Variants in RBFOX1 observed in about 807,000 individuals in gnomAD.
RBFOX1 encodes RNA binding protein fox-1 homolog 1.
A neutral mutation model predicts 57.7 loss-of-function variants in RBFOX1; 8 were observed. The ratio of observed to expected loss-of-function variants is 0.14; its 90% CI spans 0.08 to 0.25. RBFOX1 has a LOEUF of 0.25. Among genes scored for constraint, RBFOX1 ranks in the 10% least tolerant of loss-of-function variants. The pLI is 1.00. For synonymous variants in RBFOX1, 326 were observed against 222.4 expected, an observed-to-expected ratio of 1.47 and a Z score of -4.15; for missense variants, 611 against 548.5, an observed-to-expected ratio of 1.11 and a Z score of -1.14.
chr16:6,940,647 G>T (rs933342388), intron 3 of RBFOX1, among the ~76,000 whole-genome samples: 17 of 152,060 alleles, frequency 1.1e-4, no homozygotes, highest in African/African-American at 3.9e-4. Flanking sequence ...ACCCAGGCTG[G>T]AGTGGAGCGA....
At chr16:7,537,475 C>G (rs1234896115) in intron 5 of RBFOX1, among the ~76,000 whole-genome samples, 1 of 151,964 alleles carries the variant, frequency 6.6e-6, no homozygotes, top group South Asian at 2.1e-4. Context: ...CTGAACAAGT[C>G]TGACTTAGTA....
chr16:7,211,511 C>T (rs973226281), intron 4 of RBFOX1, among the ~76,000 whole-genome samples: 1 of 150,774 alleles, frequency 6.6e-6, no homozygotes, highest in Non-Finnish European at 1.5e-5. Context: ...CTAGTAAATA[C>T]AGGGAATTAA....
chr16:6,223,553 T>G (rs996325435), intron 1 of RBFOX1, among the ~76,000 whole-genome samples: 2 of 151,914 alleles, frequency 1.3e-5, no homozygotes, highest in African/African-American at 4.8e-5. Context: ...GGGTTGTTTG[T>G]TTTTTTCTTG....
intron 1 of RBFOX1, among the ~76,000 whole-genome samples, chr16:6,271,299 G>A (rs1232428008): frequency 2.0e-5 from 3 of 152,012 alleles, no homozygotes; most frequent in Admixed American, 6.6e-5. Context: ...TGGCACATGT[G>A]TGTAGTCCCA....
intron 4 of RBFOX1, among the ~76,000 whole-genome samples, chr16:7,180,015 A>C (rs1337839630): frequency 6.6e-6 from 1 of 152,020 alleles, no homozygotes; most frequent in Non-Finnish European, 1.5e-5. Context: ...AGTGCTGGAA[A>C]TATAGGCTTG....
At chr16:6,179,469 C>T (rs2097044934) in intron 1 of RBFOX1, among the ~76,000 whole-genome samples, 1 of 152,112 alleles carries the variant, frequency 6.6e-6, no homozygotes, top group South Asian at 2.1e-4. Flanking sequence ...CTCTCTGATG[C>T]CTTGAACATA....
intron 3 of RBFOX1, among the ~76,000 whole-genome samples, chr16:6,787,967 A>T (rs776097619): frequency 2.0e-5 from 3 of 150,648 alleles, no homozygotes; most frequent in Non-Finnish European, 4.5e-5. Flanking sequence ...TCATGTCTGT[A>T]ATCCCAGCAC....
intron 4 of RBFOX1, among the ~76,000 whole-genome samples, chr16:5,878,618 A>G (rs2057680547): frequency 6.6e-6 from 1 of 152,184 alleles, no homozygotes; most frequent in African/African-American, 2.4e-5. Flanking sequence ...CTTCGTGACT[A>G]TGCCTGATTC....
chr16:6,230,401 C>A (rs1284018069), intron 1 of RBFOX1, among the ~76,000 whole-genome samples: 1 of 152,086 alleles, frequency 6.6e-6, no homozygotes, highest in Non-Finnish European at 1.5e-5. Flanking sequence ...ACTAATATGC[C>A]TCTGATCACG....
chr16:7,189,746 G>C (rs1567634759), intron 4 of RBFOX1, among the ~76,000 whole-genome samples: 1 of 152,244 alleles, frequency 6.6e-6, no homozygotes, highest in Non-Finnish European at 1.5e-5. Flanking sequence ...GGTTCCCACA[G>C]ACACCTGCAG....
intron 4 of RBFOX1, among the ~76,000 whole-genome samples, chr16:5,876,682 C>T (rs541617975): frequency 2.6e-5 from 4 of 152,276 alleles, no homozygotes; most frequent in South Asian, 2.1e-4. Context: ...ACAGTTTTGA[C>T]ACCATTTATT....
intron 14 of RBFOX1, among the ~76,000 whole-genome samples, chr16:7,707,871 C>A (rs557060810): frequency 6.6e-6 from 1 of 152,172 alleles, no homozygotes; most frequent in African/African-American, 2.4e-5. Context: ...GAGGACACCC[C>A]ATTCGGTAAG....
At chr16:6,804,406 A>G (rs573258200) in intron 3 of RBFOX1, among the ~76,000 whole-genome samples, 1 of 152,170 alleles carries the variant, frequency 6.6e-6, no homozygotes, top group South Asian at 2.1e-4. Context: ...CTAGCCCTGC[A>G]GTATTTCAGG....
intron 1 of RBFOX1, among the ~76,000 whole-genome samples, chr16:6,262,928 G>A (rs990561264): frequency 6.6e-6 from 1 of 152,176 alleles, no homozygotes; most frequent in Non-Finnish European, 1.5e-5. Context: ...GTTGCAAAGA[G>A]GCACTGAGGC....
At chr16:5,702,466 A>G (rs752366788) in intron 3 of RBFOX1, among the ~76,000 whole-genome samples, 3 of 152,142 alleles carry the variant, frequency 2.0e-5, no homozygotes, top group Non-Finnish European at 4.4e-5. Flanking sequence ...AAACCATATC[A>G]CCTTGGTAAT....
chr16:6,609,194 C>T (rs2097998289), intron 2 of RBFOX1, among the ~76,000 whole-genome samples: 1 of 152,160 alleles, frequency 6.6e-6, no homozygotes, highest in Non-Finnish European at 1.5e-5. Flanking sequence ...TCTTTAGGGG[C>T]CACAATTCTG....
intron 1 of RBFOX1, among the ~76,000 whole-genome samples, chr16:6,044,452 G>C (rs949412177): frequency 1.3e-5 from 2 of 151,024 alleles, no homozygotes; most frequent in African/African-American, 4.9e-5. Flanking sequence ...AGATGTGACA[G>C]GCTATTGCCC....
intron 9 of RBFOX1, among the ~76,000 whole-genome samples, chr16:7,600,228 C>T (rs558041366): frequency 1.3e-5 from 2 of 152,292 alleles, no homozygotes; most frequent in South Asian, 4.1e-4. Flanking sequence ...GTCACACATA[C>T]TGTGTATGGC....
chr16:6,306,344 G>C (rs574899406), intron 1 of RBFOX1, among the ~76,000 whole-genome samples: 4 of 152,290 alleles, frequency 2.6e-5, no homozygotes, highest in Admixed American at 2.6e-4. Flanking sequence ...TTCAAGCCCT[G>C]CTGCTGGAGC....
Sources: allele counts gnomAD v4.1 joint callset (sites outside exome capture counted in the v4.1 genomes callset), GRCh38; gene constraint gnomAD v4.1.1; transcripts MANE v1.5; gene names NCBI Gene and HGNC (gene_info 2026-07-23, HGNC 2026-07-21).